The following SLC2A9 variants were observed in gnomAD, a reference collection of about 807,000 sequenced individuals.
SLC2A9 encodes solute carrier family 2, facilitated glucose transporter member 9.
A neutral mutation model predicts 50.6 loss-of-function variants in SLC2A9; 39 were observed. The observed-to-expected ratio is 0.77, with a 90% confidence interval of 0.60 to 1.01. The LOEUF (loss-of-function observed/expected upper bound fraction) is 1.01, where lower values mean the gene tolerates loss of function less well. Ranked by LOEUF, SLC2A9 falls within the 50% of genes least tolerant of loss-of-function variation. The pLI is 0.00. For missense variants in SLC2A9, 686 were observed against 677.6 expected, an observed-to-expected ratio of 1.01 and a Z score of -0.14; for synonymous variants, 324 against 276.9, an observed-to-expected ratio of 1.17 and a Z score of -1.69.
At chr4:9,897,443 T>C (rs1215922025) in intron 8 of SLC2A9, among the ~76,000 whole-genome samples, 1 of 152,086 alleles carries the variant, frequency 6.6e-6, no homozygotes, top group Non-Finnish European at 1.5e-5. Context: ...TGTTTGGGAA[T>C]GGGGTCTTTA....
intron 10 of SLC2A9, among the ~76,000 whole-genome samples, chr4:9,885,388 A>G (rs1736013095): frequency 6.6e-6 from 1 of 152,172 alleles, no homozygotes; most frequent in African/African-American, 2.4e-5. Context: ...GCTCCATGCA[A>G]TTGGCTAGTG....
chr4:9,900,070 T>C (rs188424868), intron 8 of SLC2A9, among the ~76,000 whole-genome samples: 199 of 152,106 alleles, frequency 1.3e-3, no homozygotes, highest in African/African-American at 4.4e-3. Flanking sequence ...GAAAAAAAAA[T>C]AGCTCTTCAA....
At chr4:9,827,078 C>G (rs1326222985) in intron 11 of SLC2A9, among the ~76,000 whole-genome samples, 2 of 152,190 alleles carry the variant, frequency 1.3e-5, no homozygotes, top group African/African-American at 2.4e-5. Context: ...AATGATCTAA[C>G]TCACTAATTG....
chr4:9,815,212 G>A (rs1169040613), intron 3 of SLC2A9, among the ~76,000 whole-genome samples: 3 of 152,202 alleles, frequency 2.0e-5, no homozygotes, highest in Non-Finnish European at 4.4e-5. Context: ...CAGAACTCCA[G>A]CAAAGCTGCT....
Position 9,844,946 on chromosome 4 carries a change from A to G in SLC2A9, c.1292-9938T>C, listed in dbSNP as rs188247216. Reference sequence around the variant, plus strand: ...ATTTCTGCTTCCAGCAATGTTTCCTACATATTATCTTTAGGCCCTTTCTCC... The same window carrying G: ...ATTTCTGCTTCCAGCAATGTTTCCTGCATATTATCTTTAGGCCCTTTCTCC... On this transcript the variant is annotated intron_variant, in intron 10 of 11. Coordinates refer to ENST00000264784, the MANE Select transcript of SLC2A9 (RefSeq NM_020041.3). Among the ~76,000 whole-genome samples, 7 of 152,270 alleles carry G rather than the reference A, an allele frequency of 4.6e-5. No homozygotes were observed. In the East Asian group the frequency reaches 1.3e-3, roughly 29 times the overall value.
chr4:9,805,024 G>T lies in SLC2A9; in HGVS notation n.421-5783C>A, dbSNP rs1577336134. 2.6e-5 allele frequency among the ~76,000 whole-genome samples: 4 copies of T among 152,294 alleles called. 1 individual carries two copies. The highest frequency in any genetic ancestry group is 2.6e-4 in the Admixed American group (4 of 15,306). ...CAGGGGAAATGTGGCCCCTGAAAGA[G>T]ACTCTGCCTGAAGTAGAGTTGCCCT... On this transcript the variant is annotated intron_variant and non_coding_transcript_variant, in intron 3 of 3. Transcript: ENST00000503280.
At chr4:9,853,510 T>C (rs1730283482) in intron 10 of SLC2A9, among the ~76,000 whole-genome samples, 1 of 152,162 alleles carries the variant, frequency 6.6e-6, no homozygotes. Flanking sequence ...AACAAGTTCT[T>C]AGAGACCTAC....
At chr4:9,785,738 C>T (rs772767163) in intron 3 of SLC2A9, among the ~76,000 whole-genome samples, 1 of 152,204 alleles carries the variant, frequency 6.6e-6, no homozygotes, top group African/African-American at 2.4e-5. Flanking sequence ...CAATCAAATT[C>T]TCTGCTGTCT....
intron 10 of SLC2A9, among the ~76,000 whole-genome samples, chr4:9,842,865 A>G (rs1351483207): frequency 1.3e-5 from 2 of 152,204 alleles, no homozygotes; most frequent in East Asian, 3.9e-4. Context: ...GCAGACCCTG[A>G]GAAGCAGTTT....
chr4:9,792,530 A>G (rs1720080335), intron 3 of SLC2A9, among the ~76,000 whole-genome samples: 1 of 151,934 alleles, frequency 6.6e-6, no homozygotes, highest in Non-Finnish European at 1.5e-5. Context: ...AATAGCTAAC[A>G]TTGTTGCTAA....
intron 6 of SLC2A9, among the ~76,000 whole-genome samples, chr4:9,925,498 T>C (rs552433267): frequency 1.9e-4 from 29 of 152,176 alleles, no homozygotes; most frequent in Non-Finnish European, 3.4e-4. Context: ...CACCCAGCCC[T>C]GTCTCTGCTA....
At chr4:9,949,191 C>T (rs570192797) in intron 5 of SLC2A9, among the ~76,000 whole-genome samples, 256 of 152,246 alleles carry the variant, frequency 1.7e-3, no homozygotes, top group Non-Finnish European at 1.8e-3. Flanking sequence ...TCCCTATAGA[C>T]GGAGCTCCTG....
chr4:9,880,346 C>T (rs1198382706), intron 10 of SLC2A9: 11 of 985,424 alleles, frequency 1.1e-5, no homozygotes, highest in African/African-American at 1.0e-4. Flanking sequence ...ATTGAGGAAG[C>T]GGAGGGCAGG....
Position 9,834,964 on chromosome 4 carries a change from G to A in SLC2A9, c.1336C>T (p.Gln446Ter), listed in dbSNP as rs750345965. The A allele has an allele frequency of 4.3e-6, 7 of 1,614,004 alleles. No homozygotes were observed. In the Admixed American group the frequency reaches 6.7e-5, roughly 15 times the overall value. ...GCAATGATGAAGGCAGCCGGCCGCT[G>A]AGATTGCTGGAAGAACTCACCAGTC... is the stretch of plus-strand genomic sequence containing the variant. ...ILTGEFFQQS[Q>*]RPAAFIIAGT... Residue 446 changes from glutamine to a stop codon, truncating the protein, a stop_gained, in exon 11 of 12, where the codon CAG becomes TAG. Coordinates refer to ENST00000264784, the MANE Select transcript of SLC2A9 (RefSeq NM_020041.3). LOFTEE classifies it high-confidence loss of function.
chr4:9,844,103 T>C (rs1239387034), intron 10 of SLC2A9, among the ~76,000 whole-genome samples: 1 of 141,576 alleles, frequency 7.1e-6, no homozygotes, highest in Non-Finnish European at 1.5e-5. Flanking sequence ...GAGAGGGAAA[T>C]GTATTTGCTC....
intron 11 of SLC2A9, among the ~76,000 whole-genome samples, chr4:9,831,853 T>C (rs776686855): frequency 1.3e-5 from 2 of 152,096 alleles, no homozygotes; most frequent in Non-Finnish European, 2.9e-5. Flanking sequence ...GCCCCCTGAG[T>C]GTTCTTCCAG....
downstream of SLC2A9, among the ~76,000 whole-genome samples, chr4:9,824,731 C>T (rs993602512): frequency 6.6e-6 from 1 of 152,094 alleles, no homozygotes; most frequent in African/African-American, 2.4e-5. Flanking sequence ...ATGATAGGTA[C>T]CTAATAAATA....
At chr4:10,035,801 CTCTG>C (rs1764087304) in intron 1 of SLC2A9, 1 of 152,404 alleles carries the variant, frequency 6.6e-6, no homozygotes, top group Non-Finnish European at 1.5e-5. Flanking sequence ...TGTTTTGTTT[CTCTG>C]TCTGTCTCTC....
intron 5 of SLC2A9, among the ~76,000 whole-genome samples, chr4:9,954,624 A>G (rs1336068267): frequency 6.6e-6 from 1 of 152,104 alleles, no homozygotes; most frequent in East Asian, 1.9e-4. Context: ...GGGTGTCTAC[A>G]GACTCTACAG....
Sources: gnomAD v4.1 joint callset for allele counts (sites outside exome capture counted in the v4.1 genomes callset) on GRCh38, gnomAD v4.1.1 for gene constraint, MANE v1.5 for transcripts, NCBI Gene and HGNC (gene_info 2026-07-23, HGNC 2026-07-21) for gene names.